The following ROBO2 variants were observed in gnomAD, a reference collection of about 807,000 sequenced individuals.
The protein encoded by ROBO2 is roundabout homolog 2.
A neutral mutation model predicts 160.8 loss-of-function variants in ROBO2; 53 were observed. The observed-to-expected ratio is 0.33, with a 90% CI of 0.26 to 0.41. The LOEUF (loss-of-function observed/expected upper bound fraction) is 0.41, where lower values mean the gene tolerates loss of function less well. Among genes scored for constraint, ROBO2 ranks in the 10% least tolerant of loss-of-function variants. ROBO2 has a pLI of 1.00. For synonymous variants in ROBO2, 664 were observed against 611.7 expected (o/e 1.09, Z -1.26); for missense variants, 1,577 against 1,722.4 (o/e 0.92, Z 1.49).
chr3:75,915,510 G>A (rs1187781271), intron 1 of ROBO2, among the ~76,000 whole-genome samples: 1 of 152,108 alleles, frequency 6.6e-6, no homozygotes, highest in Non-Finnish European at 1.5e-5. Context: ...TCACAGTATT[G>A]TAACTTTAAA....
chr3:76,470,117 A>C (rs1560000392), intron 2 of ROBO2, among the ~76,000 whole-genome samples: 1 of 152,028 alleles, frequency 6.6e-6, no homozygotes, highest in African/African-American at 2.4e-5. Flanking sequence ...CTTACATTCA[A>C]ATCCCATCAA....
intron 2 of ROBO2, among the ~76,000 whole-genome samples, chr3:77,033,414 T>G (rs2063443866): frequency 6.6e-6 from 1 of 152,180 alleles, no homozygotes; most frequent in Non-Finnish European, 1.5e-5. Context: ...AGTTTAAACA[T>G]GACTCAGAAT....
At chr3:77,501,564 A>G (rs2087612788) in intron 5 of ROBO2, among the ~76,000 whole-genome samples, 1 of 152,216 alleles carries the variant, frequency 6.6e-6, no homozygotes, top group Non-Finnish European at 1.5e-5. Flanking sequence ...CAATTCATGT[A>G]ACATGTCTGA....
intron 2 of ROBO2, among the ~76,000 whole-genome samples, chr3:76,962,699 C>T (rs1227239754): frequency 6.7e-6 from 1 of 149,932 alleles, no homozygotes; most frequent in Non-Finnish European, 1.5e-5. Flanking sequence ...ACCAACTCTT[C>T]AGGAGACTGA....
At chr3:77,587,356 G>A (rs1236762407) in intron 16 of ROBO2, among the ~76,000 whole-genome samples, 2 of 152,100 alleles carry the variant, frequency 1.3e-5, no homozygotes, top group East Asian at 3.9e-4. Context: ...ATGCTAGGAA[G>A]TGTAGGCTAA....
At chr3:76,072,626 C>G (rs541044109) in intron 2 of ROBO2, among the ~76,000 whole-genome samples, 174 of 152,176 alleles carry the variant, frequency 1.1e-3, no homozygotes, top group African/African-American at 2.6e-3. Flanking sequence ...CATATTATGG[C>G]TTAAGCTGTT....
intron 2 of ROBO2, among the ~76,000 whole-genome samples, chr3:76,409,982 A>G (rs956862872): frequency 6.6e-6 from 1 of 152,236 alleles, no homozygotes; most frequent in Non-Finnish European, 1.5e-5. Flanking sequence ...AATTTCTGAG[A>G]GGAGTCTGTT....
intron 2 of ROBO2, among the ~76,000 whole-genome samples, chr3:76,341,273 G>C (rs909522527): frequency 6.7e-6 from 1 of 150,128 alleles, no homozygotes. Flanking sequence ...TTCCTGCAGC[G>C]ATACAGGTTC....
At chr3:77,455,369 A>G (rs2081521966) in intron 2 of ROBO2, among the ~76,000 whole-genome samples, 1 of 152,204 alleles carries the variant, frequency 6.6e-6, no homozygotes, top group Non-Finnish European at 1.5e-5. Flanking sequence ...TAAAAATATA[A>G]TCGCTGACAT....
At chr3:76,847,449 A>G (rs1220580976) in intron 2 of ROBO2, among the ~76,000 whole-genome samples, 1 of 152,198 alleles carries the variant, frequency 6.6e-6, no homozygotes, top group Non-Finnish European at 1.5e-5. Context: ...GTGGCAGACT[A>G]TTGAGAGAGA....
intron 2 of ROBO2, among the ~76,000 whole-genome samples, chr3:76,931,556 T>TACACACACAC (rs3069924): frequency 6.7e-6 from 1 of 150,374 alleles, no homozygotes; most frequent in African/African-American, 2.4e-5. Context: ...ATAAGACACA[T>TACACACACAC]ACACACACAC....
chr3:77,008,466 C>T lies in ROBO2; in HGVS notation c.110-89548C>T, dbSNP rs141259072. On this transcript the variant is annotated intron_variant, in intron 2 of 26. Transcript: ENST00000487694. Reference sequence around the variant, plus strand: ...TAGATAAAAGTGGTAAAATGTACATCGCTTGTAATCAATCACAGATAGGTG... The same window carrying T: ...TAGATAAAAGTGGTAAAATGTACATTGCTTGTAATCAATCACAGATAGGTG... Among the ~76,000 whole-genome samples, 811 of 152,162 alleles carry T rather than the reference C, an allele frequency of 5.3e-3. 13 individuals carry two copies. The highest frequency in any genetic ancestry group is 5.6e-3 in the Non-Finnish European group (378 of 67,980).
intron 2 of ROBO2, among the ~76,000 whole-genome samples, chr3:77,360,869 G>C (rs1275638878): frequency 6.9e-6 from 1 of 145,458 alleles, no homozygotes; most frequent in African/African-American, 2.6e-5. Flanking sequence ...TTAGGGACTT[G>C]AGGTGGGTGC....
chr3:77,043,396 T>C (rs1241432961), intron 1 of ROBO2, among the ~76,000 whole-genome samples: 2 of 152,226 alleles, frequency 1.3e-5, no homozygotes, highest in African/African-American at 4.8e-5. Flanking sequence ...TGGTGGGTTA[T>C]TTATATGTGC....
At chr3:77,104,705 G>A (rs975840659) in intron 2 of ROBO2, among the ~76,000 whole-genome samples, 4 of 152,026 alleles carry the variant, frequency 2.6e-5, no homozygotes, top group East Asian at 1.9e-4. Context: ...TGAAGTAACT[G>A]TATCCAACTC....
At chr3:77,025,212 G>A (rs1422326422) in intron 2 of ROBO2, among the ~76,000 whole-genome samples, 1 of 152,040 alleles carries the variant, frequency 6.6e-6, no homozygotes, top group Non-Finnish European at 1.5e-5. Context: ...GTCAATTAAT[G>A]TCCTTTGCAT....
chr3:76,755,432 G>T (rs996236123), intron 2 of ROBO2, among the ~76,000 whole-genome samples: 3 of 151,792 alleles, frequency 2.0e-5, no homozygotes, highest in Admixed American at 6.6e-5. Context: ...TTTCCAAATT[G>T]TATCCTGGGA....
chr3:77,024,625 C>T lies in ROBO2; in HGVS notation c.110-73389C>T, dbSNP rs1464886629. 2.0e-5 allele frequency among the ~76,000 whole-genome samples: 3 copies of T among 152,152 alleles called. No individual in the cohort carries two copies. In the East Asian group the frequency reaches 5.8e-4, roughly 29 times the overall value. ...CCAAGACCTGGGAGACCCGACTCCA[C>T]ACTGAGAGAACTAACTAAGAGTTGG... On this transcript the variant is annotated intron_variant, in intron 2 of 26. Coordinates refer to the ROBO2 transcript ENST00000487694.
At chr3:76,475,978 C>A (rs772935070) in intron 2 of ROBO2, among the ~76,000 whole-genome samples, 1 of 152,122 alleles carries the variant, frequency 6.6e-6, no homozygotes, top group Admixed American at 6.6e-5. Context: ...CATGGTGTAA[C>A]CCCATCCCTA....
Sources: gnomAD v4.1 joint callset for allele counts (sites outside exome capture counted in the v4.1 genomes callset) on GRCh38, gnomAD v4.1.1 for gene constraint, MANE v1.5 for transcripts, NCBI Gene and HGNC (gene_info 2026-07-23, HGNC 2026-07-21) for gene names.